The following LARS2 variants were observed in gnomAD, a reference collection of about 807,000 sequenced individuals.
LARS2 encodes leucyl-tRNA synthetase 2, mitochondrial.
Under a neutral mutation model 116.6 loss-of-function variants are expected in LARS2, and 81 were observed. The ratio of observed to expected loss-of-function variants is 0.69; its 90% CI spans 0.58 to 0.84. LARS2 has a LOEUF of 0.84. LARS2 is among the 40% of genes least tolerant of loss of function. LARS2 has a pLI of 0.00. For synonymous variants in LARS2, 396 were observed against 407.2 expected, an observed-to-expected ratio of 0.97 and a Z score of 0.33; for missense variants, 968 against 1,114.5, an observed-to-expected ratio of 0.87 and a Z score of 1.87.
At position 45,474,308 on chromosome 3, in the gene LARS2, G is replaced by T. The variant is rs1699577815; in HGVS notation, c.816G>T (p.Trp272Cys). 2.5e-6 allele frequency: 4 copies of T among 1,611,304 alleles called. No individual in the cohort carries two copies. Among genetic ancestry groups the T allele is most frequent in the Non-Finnish European group, 3.4e-6 (4 of 1,177,910 alleles). ...GAATAAAAGGCATGCAAGCCCACTG[G>T]ATTGGGGACTGTGTGGGCTGCCACC... ...WYGIKGMQAH[W>C]IGDCVGCHLD... Residue 272 changes from tryptophan to cysteine, a missense_variant, in exon 9 of 22, where the codon TGG becomes TGT. By Grantham distance (215) the Trp-to-Cys change is radical. Coordinates refer to ENST00000645846, the MANE Select transcript of LARS2 (RefSeq NM_015340.4).
In LARS2 at chr3:45,520,303, G is replaced by A. The variant is rs1320626087; in HGVS notation, c.2292+7G>A. The A allele has an allele frequency of 1.2e-6, 2 of 1,609,736 alleles. No individual in the cohort carries two copies. Among genetic ancestry groups the A allele is most frequent in the Admixed American group, 1.7e-5 (1 of 59,966 alleles). On this transcript the variant is annotated splice_region_variant and intron_variant, in intron 19 of 21. Coordinates refer to ENST00000645846, the MANE Select transcript of LARS2 (RefSeq NM_015340.4). Reference sequence around the variant, plus strand: ...ACTCAGCAATGCCCTCTCGGTAAGTGGCCTGTCCTCATTTGCTGGTAGCAG... The same window carrying A: ...ACTCAGCAATGCCCTCTCGGTAAGTAGCCTGTCCTCATTTGCTGGTAGCAG...
chr3:45,517,959 C>T lies in LARS2; in HGVS notation c.2101C>T (p.Arg701Trp), dbSNP rs771007598. The change falls in exon 18 of 22, where the codon CGG becomes TGG. Residue 701 changes from arginine to tryptophan, a missense_variant. Transcript: ENST00000645846. ...ACAACGACTGTGGACCTTGACAACT[C>T]GGTTTATTGAGGCCAGGGCTTCTGG... ...WQQRLWTLTT[R>W]FIEARASGKS... 10 of 1,613,912 alleles carry T rather than the reference C, an allele frequency of 6.2e-6. No individual in the cohort carries two copies. Among genetic ancestry groups the T allele is most frequent in the South Asian group, 4.4e-5 (4 of 91,072 alleles).
Position 45,388,633 on chromosome 3 carries a change from G to GGCACTGCCCGGCA in LARS2, c.-134_-133insCACTGCCCGGCAG, listed in dbSNP as rs1462881263. ...CGTGGCCCGGCAGTGCTCGCCTAAA[G>GGCACTGCCCGGCA]GTGGAGAACGAGGAGTAGAGGAGCC... is the stretch of plus-strand genomic sequence containing the variant. On this transcript the variant is annotated 5_prime_UTR_variant, in exon 1 of 22. Transcript: ENST00000645846. 4.6e-5 allele frequency: 7 copies of GGCACTGCCCGGCA among 152,416 alleles called. No individual in the cohort carries two copies. The highest frequency in any genetic ancestry group is 1.7e-4 in the African/African-American group (7 of 41,598). 9.4% of individuals were successfully genotyped at this position (152,416 alleles called of 1,614,324 possible). A position where few individuals can be genotyped will look rare whatever the true frequency, so the allele number is the denominator to read the frequency against.
chr3:45,494,153 G>A (rs552122349), intron 13 of LARS2, among the ~76,000 whole-genome samples: 1 of 152,046 alleles, frequency 6.6e-6, no homozygotes, highest in Non-Finnish European at 1.5e-5. Flanking sequence ...TGTTCTCATT[G>A]GGAGGTCCCC....
At chr3:45,483,286 C>G (rs1286638367) in intron 10 of LARS2, among the ~76,000 whole-genome samples, 1 of 152,192 alleles carries the variant, frequency 6.6e-6, no homozygotes, top group Admixed American at 6.5e-5. Context: ...AACCCCTCAC[C>G]TCCCAGCCTC....
intron 15 of LARS2, among the ~76,000 whole-genome samples, chr3:45,502,663 G>A (rs920534300): frequency 2.6e-5 from 4 of 152,030 alleles, no homozygotes; most frequent in African/African-American, 7.2e-5. Context: ...CGCCTGCCTC[G>A]GCCTCCCGAA....
chr3:45,480,964 A>G lies in LARS2; in HGVS notation c.1018+4337A>G, dbSNP rs557385941. 3.2e-3 allele frequency among the ~76,000 whole-genome samples: 490 copies of G among 152,336 alleles called. 5 individuals are homozygous for G. Among genetic ancestry groups the G allele is most frequent in the Middle Eastern group, 0.01 (3 of 294 alleles). The stretch of plus-strand genomic sequence containing the variant: ...TGGTTTTTAATATATTCACAAATTT[A>G]TACAACCATCCCCACAGTCAATTTT... On this transcript the variant is annotated intron_variant, in intron 10 of 21. Coordinates refer to ENST00000645846, the MANE Select transcript of LARS2 (RefSeq NM_015340.4).
chr3:45,465,435 C>T (rs1699402798), intron 8 of LARS2, among the ~76,000 whole-genome samples: 1 of 152,180 alleles, frequency 6.6e-6, no homozygotes, highest in African/African-American at 2.4e-5. Flanking sequence ...CTCAGAAGTC[C>T]TTCTAGGGAT....
chr3:45,541,320 GA>G (rs1700792636), intron 20 of LARS2, among the ~76,000 whole-genome samples: 1 of 152,120 alleles, frequency 6.6e-6, no homozygotes, highest in Admixed American at 6.5e-5. Flanking sequence ...CTCCCGAGAG[GA>G]AGTTTGCAGG....
chr3:45,395,375 A>G (rs1698027845), intron 3 of LARS2, among the ~76,000 whole-genome samples: 1 of 152,238 alleles, frequency 6.6e-6, no homozygotes, highest in Non-Finnish European at 1.5e-5. Flanking sequence ...TAATGGTGGA[A>G]GCATAATACT....
intron 4 of LARS2, among the ~76,000 whole-genome samples, chr3:45,409,963 T>C (rs1414709934): frequency 6.6e-6 from 1 of 152,224 alleles, no homozygotes; most frequent in African/African-American, 2.4e-5. Flanking sequence ...CCATGTTAAT[T>C]CTATCTGAAA....
intron 6 of LARS2, among the ~76,000 whole-genome samples, chr3:45,427,803 C>T (rs760124373): frequency 1.7e-4 from 25 of 151,344 alleles, no homozygotes; most frequent in Non-Finnish European, 2.9e-4. Flanking sequence ...ATGATCATTA[C>T]TGCCTTGTTT....
chr3:45,488,167 C>G (rs994560848), intron 11 of LARS2, among the ~76,000 whole-genome samples: 2 of 152,160 alleles, frequency 1.3e-5, no homozygotes, highest in African/African-American at 4.8e-5. Context: ...GACACAGTGG[C>G]TCACACCTGT....
At chr3:45,540,972 G>T (rs1700786778) in intron 20 of LARS2, among the ~76,000 whole-genome samples, 1 of 151,944 alleles carries the variant, frequency 6.6e-6, no homozygotes, top group Non-Finnish European at 1.5e-5. Context: ...TTAAGAGATG[G>T]GGTCTCGCTG....
At chr3:45,427,423 A>G (rs1698612692) in intron 6 of LARS2, among the ~76,000 whole-genome samples, 1 of 152,196 alleles carries the variant, frequency 6.6e-6, no homozygotes, top group Non-Finnish European at 1.5e-5. Context: ...ATTCAGAAAA[A>G]GGAATCTTAG....
chr3:45,482,210 A>G (rs1222114150), intron 10 of LARS2, among the ~76,000 whole-genome samples: 1 of 152,176 alleles, frequency 6.6e-6, no homozygotes, highest in Non-Finnish European at 1.5e-5. Flanking sequence ...TAATCCATAC[A>G]TAATGTCCTA....
chr3:45,534,999 C>T (rs1395561124), intron 20 of LARS2, among the ~76,000 whole-genome samples: 2 of 152,068 alleles, frequency 1.3e-5, no homozygotes, highest in Admixed American at 1.3e-4. Flanking sequence ...TATTTGGAGC[C>T]ACTGACACTG....
chr3:45,397,372 TAAAC>T (rs1362226447), intron 3 of LARS2, among the ~76,000 whole-genome samples: 2 of 152,182 alleles, frequency 1.3e-5, no homozygotes, highest in East Asian at 3.8e-4. Context: ...TTTTCTGTAA[TAAAC>T]AGAAATCTTC....
At chr3:45,391,224 G>A (rs1697940935) in intron 1 of LARS2, among the ~76,000 whole-genome samples, 1 of 151,670 alleles carries the variant, frequency 6.6e-6, no homozygotes, top group Non-Finnish European at 1.5e-5. Flanking sequence ...GGTGGTTCAC[G>A]CCTGTAATCC....
Sources: gnomAD v4.1 joint callset for allele counts (sites outside exome capture counted in the v4.1 genomes callset) on GRCh38, gnomAD v4.1.1 for gene constraint, MANE v1.5 for transcripts, NCBI Gene and HGNC (gene_info 2026-07-23, HGNC 2026-07-21) for gene names.